The following GLT1D1 variants were observed in gnomAD, a reference collection of about 807,000 sequenced individuals.
GLT1D1 encodes glycosyltransferase 1 domain-containing protein 1.
In GLT1D1, 21 loss-of-function variants were observed where a neutral mutation model predicts 28.7. The ratio of observed to expected loss-of-function variants is 0.73; its 90% confidence interval spans 0.52 to 1.05. GLT1D1 has a LOEUF of 1.05. Among genes scored for constraint, GLT1D1 ranks in the 50% least tolerant of loss-of-function variants. GLT1D1 has a pLI of 0.00. For missense variants in GLT1D1, 343 were observed against 330.6 expected, an observed-to-expected ratio of 1.04 and a Z score of -0.29; for synonymous variants, 147 against 124.8, an observed-to-expected ratio of 1.18 and a Z score of -1.19.
intron 4 of GLT1D1, among the ~76,000 whole-genome samples, chr12:128,927,999 C>CAAAAAAAA (rs938188484): frequency 1.2e-3 from 51 of 42,236 alleles, no homozygotes; most frequent in African/African-American, 1.7e-3. Flanking sequence ...GACTCTGTCT[C>CAAAAAAAA]AAAAAAAAAA....
intron 4 of GLT1D1, among the ~76,000 whole-genome samples, chr12:128,909,769 A>G (rs1288644777): frequency 6.6e-6 from 1 of 152,234 alleles, no homozygotes; most frequent in East Asian, 1.9e-4. Flanking sequence ...ATTTATAGGT[A>G]TCTATCCAAT....
chr12:128,942,854 G>A (rs975850060), intron 4 of GLT1D1, among the ~76,000 whole-genome samples: 19 of 151,360 alleles, frequency 1.3e-4, no homozygotes, highest in African/African-American at 4.6e-4. Context: ...GGGTTCAAGT[G>A]ATTCCCCTGC....
chr12:128,854,257 C>G (rs974048331), intron 1 of GLT1D1, among the ~76,000 whole-genome samples: 9 of 152,158 alleles, frequency 5.9e-5, no homozygotes, highest in Non-Finnish European at 1.0e-4. Context: ...GGCGGGGGCC[C>G]GGGGAGGGGC....
chr12:128,939,013 C>T (rs1566152515), intron 4 of GLT1D1, among the ~76,000 whole-genome samples: 1 of 152,086 alleles, frequency 6.6e-6, no homozygotes, highest in Non-Finnish European at 1.5e-5. Context: ...CTAGGAAGGT[C>T]CTCTCAGCAC....
intron 1 of GLT1D1, among the ~76,000 whole-genome samples, chr12:128,874,102 C>CTTTCTTTCTTTCTT (rs1566091147): frequency 7.5e-5 from 3 of 40,140 alleles, no homozygotes; most frequent in African/African-American, 2.5e-4. Context: ...CTTTCTTTCT[C>CTTTCTTTCTTTCTT]TCTCTCTCTC....
intron 4 of GLT1D1, among the ~76,000 whole-genome samples, chr12:128,934,198 C>CTTTTTTT (rs1228657723): frequency 1.4e-5 from 1 of 73,414 alleles, no homozygotes; most frequent in Non-Finnish European, 2.9e-5. Context: ...AAGAGACAGT[C>CTTTTTTT]TTTTTTTTTT....
chr12:128,973,722 A>G (rs1207635361), intron 7 of GLT1D1, among the ~76,000 whole-genome samples: 1 of 151,716 alleles, frequency 6.6e-6, no homozygotes, highest in Non-Finnish European at 1.5e-5. Context: ...CCCAAAGCAC[A>G]CCAGAGCAGC....
chr12:128,858,370 C>T (rs778407119), intron 1 of GLT1D1, among the ~76,000 whole-genome samples: 3 of 152,166 alleles, frequency 2.0e-5, no homozygotes, highest in Non-Finnish European at 4.4e-5. Context: ...GGAGGAAAAT[C>T]TGCATCTGTA....
At position 128,901,444 on chromosome 12, in the gene GLT1D1, T is replaced by G. The variant is rs1383736680; in HGVS notation, c.375+2157T>G. 2.6e-5 allele frequency among the ~76,000 whole-genome samples: 4 copies of G among 151,422 alleles called. No homozygotes were observed. In the East Asian group the frequency reaches 7.9e-4, roughly 30 times the overall value. On this transcript the variant is annotated intron_variant, in intron 4 of 7. Coordinates refer to ENST00000281703, the MANE Select transcript of GLT1D1 (RefSeq NM_144669.3). Reference sequence around the variant, plus strand: ...CTTTTCTCTCTCTCTCTCTCATTTTTTTTTTTTTCTGAGATGGAGTCTCGC... The same window carrying G: ...CTTTTCTCTCTCTCTCTCTCATTTTGTTTTTTTTCTGAGATGGAGTCTCGC...
chr12:128,924,471 A>G (rs770878054), intron 4 of GLT1D1, among the ~76,000 whole-genome samples: 16 of 151,374 alleles, frequency 1.1e-4, no homozygotes, highest in Non-Finnish European at 1.9e-4. Flanking sequence ...TTATTTATTT[A>G]TTTATTTTTT....
At chr12:128,863,380 T>A (rs35240795) in intron 1 of GLT1D1, among the ~76,000 whole-genome samples, 38,926 of 150,976 alleles carry the variant, frequency 0.26, 5,291 homozygotes, top group South Asian at 0.53. Flanking sequence ...AATTTATTAT[T>A]TTTTTTTTTG....
intron 4 of GLT1D1, among the ~76,000 whole-genome samples, chr12:128,917,815 A>G (rs1049948305): frequency 2.6e-5 from 4 of 152,226 alleles, no homozygotes; most frequent in South Asian, 2.1e-4. Flanking sequence ...TAAGAGGCCA[A>G]AAAACAACAG....
intron 7 of GLT1D1, among the ~76,000 whole-genome samples, chr12:128,980,831 G>T (rs1397051189): frequency 2.0e-5 from 3 of 152,242 alleles, no homozygotes; most frequent in Non-Finnish European, 4.4e-5. Context: ...CGGGGGCGGG[G>T]TGGGGAATAG....
At chr12:128,967,582 G>C (rs1878579585) in intron 7 of GLT1D1, among the ~76,000 whole-genome samples, 1 of 152,210 alleles carries the variant, frequency 6.6e-6, no homozygotes, top group Admixed American at 6.5e-5. Context: ...TGTGCACTAG[G>C]GGAAGCCGTG....
chr12:128,865,695 G>A lies in GLT1D1; in HGVS notation c.69-10219G>A, dbSNP rs139680853. 7.0e-3 allele frequency among the ~76,000 whole-genome samples: 1,066 copies of A among 152,062 alleles called. 9 individuals carry two copies. Among genetic ancestry groups the A allele is most frequent in the African/African-American group, 0.024 (989 of 41,464 alleles). ...AAATTAGCCAGGCGTGGTGGCATGC[G>A]CCTATAATCCCAGCTACTCGGGAGG... is the stretch of plus-strand genomic sequence containing the variant. On this transcript the variant is annotated intron_variant, in intron 1 of 7. Transcript: ENST00000281703.
intron 2 of GLT1D1, among the ~76,000 whole-genome samples, chr12:128,879,381 T>TCCTTCCTTC (rs1566096266): frequency 1.7e-4 from 5 of 29,292 alleles, no homozygotes; most frequent in Admixed American, 4.1e-4. Flanking sequence ...TTTTTCTTTT[T>TCCTTCCTTC]CTTTCTTTCT....
chr12:128,949,001 C>T (rs1009102873), intron 6 of GLT1D1, among the ~76,000 whole-genome samples: 19 of 152,028 alleles, frequency 1.2e-4, no homozygotes, highest in African/African-American at 4.1e-4. Flanking sequence ...CAGATGTCAG[C>T]ACCTCTGCTT....
chr12:128,862,530 C>T (rs1195134895), intron 1 of GLT1D1, among the ~76,000 whole-genome samples: 1 of 152,032 alleles, frequency 6.6e-6, no homozygotes, highest in Non-Finnish European at 1.5e-5. Context: ...GTGGTCCCAG[C>T]TACTCAGAAG....
At chr12:128,929,573 A>C (rs902258225) in intron 4 of GLT1D1, among the ~76,000 whole-genome samples, 10 of 152,162 alleles carry the variant, frequency 6.6e-5, no homozygotes, top group African/African-American at 2.4e-4. Flanking sequence ...TAGGGACCCC[A>C]AAAAAGCATG....
Sources: gnomAD v4.1 joint callset for allele counts (sites outside exome capture counted in the v4.1 genomes callset) on GRCh38, gnomAD v4.1.1 for gene constraint, MANE v1.5 for transcripts, NCBI Gene and HGNC (gene_info 2026-07-23, HGNC 2026-07-21) for gene names.